Variants in SORCS1 observed in about 807,000 individuals in gnomAD.
SORCS1 encodes VPS10 domain-containing receptor SorCS1.
Under a neutral mutation model 146.1 loss-of-function variants are expected in SORCS1, and 60 were observed. The ratio of observed to expected loss-of-function variants is 0.41; its 90% CI spans 0.33 to 0.51. SORCS1 has a LOEUF of 0.51. Ranked by LOEUF, SORCS1 falls within the 20% of genes least tolerant of loss-of-function variation. SORCS1 has a pLI of 0.21. For synonymous variants in SORCS1, 637 were observed against 584.0 expected, an observed-to-expected ratio of 1.09 and a Z score of -1.31; for missense variants, 1,352 against 1,487.6, an observed-to-expected ratio of 0.91 and a Z score of 1.50.
chr10:106,628,677 T>C (rs1848248721), intron 19 of SORCS1, among the ~76,000 whole-genome samples: 1 of 152,092 alleles, frequency 6.6e-6, no homozygotes, highest in Non-Finnish European at 1.5e-5. Flanking sequence ...CACCACCTTC[T>C]CTCTAACACC....
At chr10:107,169,545 G>A (rs1970114897), upstream of SORCS1, among the ~76,000 whole-genome samples, 3 of 152,142 alleles carry the variant, frequency 2.0e-5, no homozygotes, top group Admixed American at 1.3e-4. Flanking sequence ...AGGATGTTAT[G>A]AAAGTTAATT....
intron 3 of SORCS1, among the ~76,000 whole-genome samples, chr10:106,812,874 T>C (rs1053276417): frequency 6.6e-6 from 1 of 152,126 alleles, no homozygotes; most frequent in Admixed American, 6.5e-5. Flanking sequence ...AAGGTAACGA[T>C]AGAGCCACAA....
At chr10:107,010,336 G>T (rs1357837889) in intron 1 of SORCS1, among the ~76,000 whole-genome samples, 1 of 152,094 alleles carries the variant, frequency 6.6e-6, no homozygotes, top group African/African-American at 2.4e-5. Context: ...TCAAACAGTC[G>T]CTCTGCAGGA....
chr10:106,755,355 A>T (rs111535249), intron 5 of SORCS1, among the ~76,000 whole-genome samples: 71 of 152,346 alleles, frequency 4.7e-4, no homozygotes, highest in African/African-American at 1.7e-3. Flanking sequence ...TTGGATAAAC[A>T]ACATCACTTC....
At chr10:106,938,584 C>T (rs1474195878) in intron 2 of SORCS1, among the ~76,000 whole-genome samples, 27 of 152,206 alleles carry the variant, frequency 1.8e-4, no homozygotes, top group Admixed American at 1.8e-3. Context: ...TTCCTCCTTC[C>T]CACATGCTTC....
At chr10:106,999,919 T>C (rs1275497607) in intron 1 of SORCS1, among the ~76,000 whole-genome samples, 2 of 147,634 alleles carry the variant, frequency 1.4e-5, no homozygotes, top group Non-Finnish European at 2.9e-5. Context: ...TCATGGTTTG[T>C]TGTTTGGAAA....
At chr10:106,766,567 G>T (rs1365693221) in intron 4 of SORCS1, among the ~76,000 whole-genome samples, 1 of 152,120 alleles carries the variant, frequency 6.6e-6, no homozygotes, top group Admixed American at 6.6e-5. Flanking sequence ...CACGACCCAT[G>T]CAAAGGGGAA....
intron 2 of SORCS1, among the ~76,000 whole-genome samples, chr10:106,916,338 G>A (rs1411159894): frequency 1.3e-5 from 2 of 151,888 alleles, no homozygotes; most frequent in African/African-American, 2.4e-5. Context: ...AAAGTTGATT[G>A]ATGGCAATAC....
chr10:106,790,957 A>C (rs914395382), intron 3 of SORCS1, among the ~76,000 whole-genome samples: 2 of 152,242 alleles, frequency 1.3e-5, no homozygotes, highest in African/African-American at 2.4e-5. Context: ...AAACGTACTC[A>C]GAATAAAAGA....
chr10:106,854,833 G>T (rs1054384255), intron 2 of SORCS1, among the ~76,000 whole-genome samples: 1 of 151,968 alleles, frequency 6.6e-6, no homozygotes, highest in Non-Finnish European at 1.5e-5. Flanking sequence ...ATGTGTGTGT[G>T]TATATATATA....
intron 18 of SORCS1, among the ~76,000 whole-genome samples, chr10:106,636,719 T>C (rs1386828817): frequency 6.6e-6 from 1 of 152,128 alleles, no homozygotes; most frequent in African/African-American, 2.4e-5. Context: ...TAAGATGAGA[T>C]TTGGGTGGGG....
intron 2 of SORCS1, among the ~76,000 whole-genome samples, chr10:106,866,362 C>T (rs1202132230): frequency 6.6e-6 from 1 of 152,228 alleles, no homozygotes; most frequent in African/African-American, 2.4e-5. Context: ...TTGGGCCCAT[C>T]GCACAGACCC....
intron 1 of SORCS1, among the ~76,000 whole-genome samples, chr10:107,094,834 T>A (rs1205949378): frequency 6.6e-6 from 1 of 152,196 alleles, no homozygotes; most frequent in African/African-American, 2.4e-5. Context: ...ATGTTAAGTA[T>A]GGTCCCTGAC....
chr10:106,883,258 T>C (rs12098415), intron 2 of SORCS1, among the ~76,000 whole-genome samples: 12,900 of 152,110 alleles, frequency 0.085, 1,561 homozygotes, highest in African/African-American at 0.27. Flanking sequence ...ACGGGTGAGG[T>C]TTATAAGTTT....
chr10:106,804,637 T>G (rs999988219), intron 3 of SORCS1, among the ~76,000 whole-genome samples: 5 of 152,072 alleles, frequency 3.3e-5, no homozygotes, highest in African/African-American at 1.2e-4. Context: ...AAGACGAGAA[T>G]GTAATCTAAT....
At chr10:107,172,116 C>A in the SORCS1 span, among the ~76,000 whole-genome samples, 6 of 152,190 alleles carry the variant, frequency 3.9e-5, no homozygotes, top group East Asian at 1.2e-3. Context: ...TATCCAAAGG[C>A]CCAATTTCTG....
At chr10:106,583,933 T>C (rs1436291556) in intron 24 of SORCS1, among the ~76,000 whole-genome samples, 2 of 152,216 alleles carry the variant, frequency 1.3e-5, no homozygotes, top group Non-Finnish European at 2.9e-5. Flanking sequence ...ACTTTCATTC[T>C]ATCAAAAGGA....
intron 7 of SORCS1, 41 bp from the exon 8 acceptor site, chr10:106,706,675 G>C: frequency 6.3e-7 from 1 of 1,582,680 alleles, no homozygotes; most frequent in Non-Finnish European, 8.7e-7. Flanking sequence ...TCGAGCTACT[G>C]TAACAGGCAC....
chr10:106,723,405 A>ACACG (rs762618467), intron 6 of SORCS1, among the ~76,000 whole-genome samples: 2 of 151,800 alleles, frequency 1.3e-5, no homozygotes, highest in Non-Finnish European at 2.9e-5. Context: ...GCACACACAC[A>ACACG]CACACACACA....
Sources: allele counts gnomAD v4.1 joint callset (sites outside exome capture counted in the v4.1 genomes callset), GRCh38; gene constraint gnomAD v4.1.1; transcripts MANE v1.5; gene names NCBI Gene and HGNC (gene_info 2026-07-23, HGNC 2026-07-21).